WIPI1: variants seen among roughly 807,000 people sequenced by gnomAD.
WIPI1 encodes the protein WD repeat domain phosphoinositide-interacting protein 1.
A neutral mutation model predicts 55.3 loss-of-function variants in WIPI1; 45 were observed. The ratio of observed to expected loss-of-function variants is 0.81; its 90% confidence interval spans 0.64 to 1.04. The LOEUF is 1.04. Ranked by LOEUF, WIPI1 falls within the 50% of genes least tolerant of loss-of-function variation. WIPI1 has a pLI of 0.00. For missense variants in WIPI1, 445 were observed against 559.0 expected, an observed-to-expected ratio of 0.80 and a Z score of 2.06; for synonymous variants, 195 against 217.6, an observed-to-expected ratio of 0.90 and a Z score of 0.92.
chr17:68,448,342 G>T, intron 3 of WIPI1: 1 of 152,350 alleles, frequency 6.6e-6, no homozygotes, highest in Non-Finnish European at 1.5e-5. Context: ...GAAATGTAAA[G>T]GAAGGGAGAA....
chr17:68,435,805 C>T (rs1388702829), intron 5 of WIPI1, 93 bp from the exon 6 acceptor site: 1 of 1,162,206 alleles, frequency 8.6e-7, no homozygotes, highest in Non-Finnish European at 1.3e-6. Context: ...CTTTCTCCCT[C>T]CTTTGTCCAG....
chr17:68,433,869 A>G (rs2083653706), intron 7 of WIPI1, among the ~76,000 whole-genome samples: 1 of 138,766 alleles, frequency 7.2e-6, no homozygotes, highest in Non-Finnish European at 1.5e-5. Flanking sequence ...TGCAACCTCT[A>G]CCTCCTGGGT....
intron 3 of WIPI1, among the ~76,000 whole-genome samples, chr17:68,445,506 G>A (rs990144028): frequency 4.0e-5 from 6 of 148,998 alleles, no homozygotes; most frequent in Admixed American, 1.3e-4. Context: ...GAAGGGCTTC[G>A]GCCCCATTTG....
chr17:68,429,534 G>A (rs111846764), intron 9 of WIPI1, among the ~76,000 whole-genome samples: 2 of 152,178 alleles, frequency 1.3e-5, no homozygotes, highest in African/African-American at 4.8e-5. Context: ...AATCCGTATT[G>A]AAGTCAGATA....
chr17:68,426,251 G>GGGGGGGGGGC, intron 11 of WIPI1, 76 bp from the exon 12 acceptor site: 1 of 825,460 alleles, frequency 1.2e-6, no homozygotes. Context: ...GTGGGGAGCG[G>GGGGGGGGGGC]GGGCTCAAAT....
At position 68,427,237 on chromosome 17, in the gene WIPI1, T is replaced by C. The variant is rs367662494; in HGVS notation, c.1090A>G (p.Thr364Ala). ...TCATTTTCTTTATTCTCTTCTGTTG[T>C]TCCTGAGCCAAGCAAGCTACTTGTG... ...IKTHSLLGSGTTEENKENDLR... is the reference protein window; with the variant it reads ...IKTHSLLGSGATEENKENDLR... Residue 364 changes from threonine (T) to alanine (A), a missense_variant, in exon 11 of 13, where the codon ACA becomes GCA. Thr to Ala is a moderately conservative substitution (Grantham distance 58). Coordinates refer to ENST00000262139, the MANE Select transcript of WIPI1 (RefSeq NM_017983.7). 1.5e-5 allele frequency: 25 copies of C among 1,613,974 alleles called. No individual in the cohort carries two copies. The African/African-American group carries it at 2.9e-4, about 19-fold the overall frequency.
intron 5 of WIPI1, 31 bp from the exon 6 acceptor site, chr17:68,435,743 T>A (rs768166179): frequency 6.2e-7 from 1 of 1,601,412 alleles, no homozygotes; most frequent in Non-Finnish European, 8.6e-7. Flanking sequence ...TGGATACAGA[T>A]GCTGCGGAGG....
intron 4 of WIPI1, among the ~76,000 whole-genome samples, chr17:68,437,948 T>TAAAAAAAAAAAAAAAAAA (rs199649033): frequency 3.8e-5 from 3 of 78,802 alleles, no homozygotes; most frequent in African/African-American, 1.4e-4. Flanking sequence ...ACATCTCTCT[T>TAAAAAAAAAAAAAAAAAA]AAAAAAAAAA....
chr17:68,427,197 A>C lies in WIPI1; in HGVS notation c.1130T>G (p.Leu377Ter). Residue 377 changes from leucine (L) to a stop codon, truncating the protein, a stop_gained, in exon 11 of 13, where the codon TTA becomes TGA. Transcript: ENST00000262139. LOFTEE classifies it high-confidence loss of function. ...ENKENDLRPS[L>*]PQSYAATVAR... is the part of the protein sequence containing the mutation. ...TACGGTCGCTGCATAAGACTGAGGTAAGGAAGGTCTGAGGTCATTTTCTTT... is the reference window on the plus strand; with the variant it reads ...TACGGTCGCTGCATAAGACTGAGGTCAGGAAGGTCTGAGGTCATTTTCTTT... 6.2e-7 allele frequency: 1 copy of C among 1,614,218 alleles called. No homozygotes were observed. The highest frequency in any genetic ancestry group is 8.5e-7 in the Non-Finnish European group (1 of 1,180,044).
At chr17:68,454,886 C>G (rs934995679) in intron 1 of WIPI1, among the ~76,000 whole-genome samples, 2 of 149,306 alleles carry the variant, frequency 1.3e-5, no homozygotes, top group African/African-American at 2.4e-5. Context: ...GAGAAAATCA[C>G]AGAGTGATGT....
intron 12 of WIPI1, among the ~76,000 whole-genome samples, chr17:68,424,911 C>T (rs538777921): frequency 1.3e-5 from 2 of 152,298 alleles, no homozygotes; most frequent in African/African-American, 2.4e-5. Context: ...ACTTCCATCT[C>T]GAAATGATTT....
chr17:68,456,242 A>AT (rs1331002195), intron 1 of WIPI1, among the ~76,000 whole-genome samples: 2 of 152,224 alleles, frequency 1.3e-5, no homozygotes, highest in African/African-American at 4.8e-5. Context: ...AAACAAAGGC[A>AT]TATTGTTCAG....
intron 11 of WIPI1, 112 bp from the exon 12 acceptor site, chr17:68,426,287 G>A (rs2083189685): frequency 1.2e-6 from 1 of 825,120 alleles, no homozygotes; most frequent in Non-Finnish European, 2.0e-6. Flanking sequence ...CAAAGGGGCT[G>A]TCTGTCTTCC....
At chr17:68,427,866 C>T (rs2083301611) in intron 10 of WIPI1, among the ~76,000 whole-genome samples, 1 of 152,154 alleles carries the variant, frequency 6.6e-6, no homozygotes, top group Admixed American at 6.5e-5. Context: ...TGCCTGTTCA[C>T]AGAAGGCATG....
intron 3 of WIPI1, among the ~76,000 whole-genome samples, chr17:68,447,854 G>C (rs11653689): frequency 2.6e-5 from 4 of 151,816 alleles, no homozygotes; most frequent in Non-Finnish European, 4.4e-5. Context: ...TTAGCCGGGC[G>C]TGGTGGCAGG....
intron 4 of WIPI1, among the ~76,000 whole-genome samples, chr17:68,441,274 CACAA>C (rs769349255): frequency 2.0e-5 from 3 of 152,314 alleles, no homozygotes; most frequent in South Asian, 2.1e-4. Context: ...ACGGGCATGA[CACAA>C]ACAGACAGAA....
intron 5 of WIPI1, 21 bp from the exon 6 acceptor site, chr17:68,435,733 T>C (rs2083753282): frequency 1.2e-6 from 2 of 1,608,334 alleles, no homozygotes; most frequent in South Asian, 1.1e-5. Flanking sequence ...AAAGGAAAAA[T>C]GGATACAGAT....
At chr17:68,429,852 G>A in intron 9 of WIPI1, 144 bp downstream of exon 9, 1 of 1,186,530 alleles carries the variant, frequency 8.4e-7, no homozygotes, top group Non-Finnish European at 1.2e-6. Context: ...GCCTCCCAAG[G>A]TTCCGGGATT....
intron 7 of WIPI1, among the ~76,000 whole-genome samples, chr17:68,434,311 G>A (rs557525360): frequency 2.9e-4 from 44 of 152,160 alleles, no homozygotes; most frequent in African/African-American, 1.1e-3. Flanking sequence ...CTCCTGTGCC[G>A]GCCGCCCACA....
Sources: allele counts gnomAD v4.1 joint callset (sites outside exome capture counted in the v4.1 genomes callset), GRCh38; gene constraint gnomAD v4.1.1; transcripts MANE v1.5; gene names NCBI Gene and HGNC (gene_info 2026-07-23, HGNC 2026-07-21).